Variants in NTM observed in about 807,000 individuals in gnomAD.
NTM encodes neurotrimin.
A neutral mutation model predicts 42.1 loss-of-function variants in NTM; 13 were observed. That is an observed-to-expected ratio of 0.31 (90% CI 0.20 to 0.49). NTM has a LOEUF of 0.49. Ranked by LOEUF, NTM falls within the 20% of genes least tolerant of loss-of-function variation. NTM has a pLI of 0.99. For missense variants in NTM, 373 were observed against 452.8 expected (o/e 0.82, Z 1.60); for synonymous variants, 187 against 179.2 (o/e 1.04, Z -0.35).
At chr11:132,008,700 A>C (rs138548962) in intron 2 of NTM, among the ~76,000 whole-genome samples, 12 of 152,150 alleles carry the variant, frequency 7.9e-5, no homozygotes, top group African/African-American at 2.9e-4. Context: ...CACATTGCTC[A>C]CAAAGATTAA....
intron 1 of NTM, among the ~76,000 whole-genome samples, chr11:131,668,687 C>T (rs2069551246): frequency 6.6e-6 from 1 of 152,178 alleles, no homozygotes; most frequent in African/African-American, 2.4e-5. Context: ...TGTCATTGAA[C>T]TCTGACTAAT....
At chr11:131,797,989 T>C (rs928648393) in intron 1 of NTM, among the ~76,000 whole-genome samples, 2 of 150,218 alleles carry the variant, frequency 1.3e-5, no homozygotes, top group African/African-American at 4.8e-5. Context: ...GGCTGATTTA[T>C]GAAATTAAAA....
chr11:131,594,388 A>G (rs570620769), intron 1 of NTM, among the ~76,000 whole-genome samples: 1 of 152,172 alleles, frequency 6.6e-6, no homozygotes, highest in South Asian at 2.1e-4. Context: ...CATTTATAAC[A>G]AAAGGAAAGT....
chr11:132,019,263 C>T (rs531346735), intron 2 of NTM, among the ~76,000 whole-genome samples: 1 of 112,236 alleles, frequency 8.9e-6, no homozygotes, highest in South Asian at 3.2e-4. Flanking sequence ...TGGTTGAGAT[C>T]TTTTGCCTTT....
At chr11:131,548,512 T>C (rs2054238385) in intron 1 of NTM, among the ~76,000 whole-genome samples, 3 of 152,214 alleles carry the variant, frequency 2.0e-5, no homozygotes, top group Non-Finnish European at 1.5e-5. Flanking sequence ...ATAATAATTA[T>C]GATAACATTT....
At chr11:132,180,697 A>G (rs2077442569) in intron 3 of NTM, among the ~76,000 whole-genome samples, 1 of 152,136 alleles carries the variant, frequency 6.6e-6, no homozygotes, top group Admixed American at 6.5e-5. Flanking sequence ...CCATCAATCT[A>G]AGGACCTGAG....
chr11:131,616,589 C>T (rs956162155), intron 1 of NTM, among the ~76,000 whole-genome samples: 3 of 152,100 alleles, frequency 2.0e-5, no homozygotes, highest in South Asian at 2.1e-4. Flanking sequence ...ATGGAGGCTG[C>T]GGCGGCACCA....
At chr11:131,841,376 A>C (rs1452525657) in intron 1 of NTM, among the ~76,000 whole-genome samples, 1 of 152,224 alleles carries the variant, frequency 6.6e-6, no homozygotes. Context: ...TTAAATGTTC[A>C]GCACTGTGTG....
At chr11:132,261,369 T>C (rs1271051326) in intron 4 of NTM, among the ~76,000 whole-genome samples, 1 of 152,148 alleles carries the variant, frequency 6.6e-6, no homozygotes, top group African/African-American at 2.4e-5. Flanking sequence ...GGGGCATGTA[T>C]TGGAATGCCA....
At chr11:132,034,446 A>T (rs1224448170) in intron 2 of NTM, among the ~76,000 whole-genome samples, 2 of 152,214 alleles carry the variant, frequency 1.3e-5, no homozygotes, top group Admixed American at 1.3e-4. Flanking sequence ...AGTGAAGGAC[A>T]TTTGCAGGAT....
intron 1 of NTM, among the ~76,000 whole-genome samples, chr11:131,862,566 T>C (rs189083696): frequency 1.1e-3 from 165 of 152,350 alleles, no homozygotes; most frequent in African/African-American, 3.9e-3. Context: ...TTTTGTTTGA[T>C]GGTAAGGTTA....
chr11:131,664,114 C>T (rs533610278), intron 1 of NTM, among the ~76,000 whole-genome samples: 2 of 152,206 alleles, frequency 1.3e-5, no homozygotes, highest in African/African-American at 4.8e-5. Context: ...GACAGGGCTC[C>T]AGTGCAGCCA....
chr11:131,789,630 AGAAGAAAAGAAG>A (rs2090452192), intron 1 of NTM, among the ~76,000 whole-genome samples: 1 of 86,946 alleles, frequency 1.2e-5, no homozygotes, highest in Non-Finnish European at 2.4e-5. Context: ...AAGAAGAAGA[AGAAGAAAAGAAG>A]AAGAAGAAGA....
chr11:132,076,987 TATTCCCTAGA>T (rs2058452757), intron 2 of NTM, among the ~76,000 whole-genome samples: 1 of 152,246 alleles, frequency 6.6e-6, no homozygotes, highest in African/African-American at 2.4e-5. Flanking sequence ...TTTCCCTTCA[TATTCCCTAGA>T]AGAGGATTTC....
intron 1 of NTM, among the ~76,000 whole-genome samples, chr11:131,880,169 A>G (rs2137256880): frequency 6.6e-6 from 1 of 152,312 alleles, no homozygotes; most frequent in Middle Eastern, 3.4e-3. Flanking sequence ...ATAAGTCATA[A>G]AACTCTCAAT....
chr11:132,166,289 C>G (rs2075270133), intron 3 of NTM, among the ~76,000 whole-genome samples: 1 of 152,122 alleles, frequency 6.6e-6, no homozygotes, highest in Admixed American at 6.6e-5. Flanking sequence ...GTCAACCCGC[C>G]TTGCCCACCT....
rs1368074561 is a variant in NTM at position 131,440,005 on chromosome 11, G to T, written c.82+69117G>T. ...AATACATTTCTCTTCTATCAGTTTTGAAAATGTATCTTGTGGTATTTATTT... is the reference window on the plus strand; with the variant it reads ...AATACATTTCTCTTCTATCAGTTTTTAAAATGTATCTTGTGGTATTTATTT... On this transcript the variant is annotated intron_variant, in intron 1 of 8. Coordinates refer to ENST00000683400, the MANE Select transcript of NTM (RefSeq NM_001352005.2). Among the ~76,000 whole-genome samples, 35 of 127,238 alleles carry T rather than the reference G, an allele frequency of 2.8e-4. No individual in the cohort carries two copies. In the Admixed American group the frequency reaches 2.9e-3, roughly 10 times the overall value. The allele number at this position is 127,238 out of a possible 152,430, so 83.5% of individuals were successfully genotyped here.
chr11:131,516,652 A>G (rs2048930224), intron 1 of NTM, among the ~76,000 whole-genome samples: 1 of 152,186 alleles, frequency 6.6e-6, no homozygotes, highest in Admixed American at 6.5e-5. Flanking sequence ...GATTACAGGC[A>G]TGAGCCACCA....
intron 1 of NTM, among the ~76,000 whole-genome samples, chr11:131,640,002 A>C (rs1034566961): frequency 7.3e-6 from 1 of 137,056 alleles, no homozygotes; most frequent in African/African-American, 3.6e-5. Flanking sequence ...TAAATAAATA[A>C]AAAAAAAGTG....
Sources: allele counts gnomAD v4.1 joint callset (sites outside exome capture counted in the v4.1 genomes callset), GRCh38; gene constraint gnomAD v4.1.1; transcripts MANE v1.5; gene names NCBI Gene and HGNC (gene_info 2026-07-23, HGNC 2026-07-21).